Variants in LDLRAD4 observed in about 807,000 individuals in gnomAD.
The protein encoded by LDLRAD4 is low density lipoprotein receptor class A domain containing 4.
Under a neutral mutation model 17.0 loss-of-function variants are expected in LDLRAD4, and 5 were observed. That is an observed-to-expected ratio of 0.29 (90% CI 0.15 to 0.62). The LOEUF (loss-of-function observed/expected upper bound fraction) is 0.62. Ranked by LOEUF, LDLRAD4 falls within the 20% of genes least tolerant of loss-of-function variation. The pLI, the probability that LDLRAD4 is intolerant of heterozygous loss-of-function variation, is 0.84. For synonymous variants in LDLRAD4, 168 were observed against 171.8 expected (o/e 0.98, Z 0.17); for missense variants, 340 against 424.7 (o/e 0.80, Z 1.75).
Position 13,489,233 on chromosome 18 carries a change from C to G in LDLRAD4, c.181+50849C>G, listed in dbSNP as rs2093308452. 4.0e-5 allele frequency: 6 copies of G among 151,320 alleles called. No individual in the cohort carries two copies. In the South Asian group the frequency reaches 1.3e-3, roughly 32 times the overall value. 9.4% of individuals were successfully genotyped at this position (151,320 alleles called of 1,614,324 possible). A position where few individuals can be genotyped will look rare whatever the true frequency, so the allele number is the denominator to read the frequency against. Reference sequence around the variant, plus strand: ...GCAATGGTTCGATCTTGGCTCACCACAAACTCTGCCTCCCAGGTTCAAGCA... The same window carrying G: ...GCAATGGTTCGATCTTGGCTCACCAGAAACTCTGCCTCCCAGGTTCAAGCA... On this transcript the variant is annotated intron_variant, in intron 3 of 5. Coordinates refer to ENST00000359446, the Ensembl canonical transcript of LDLRAD4.
intron 3 of LDLRAD4, among the ~76,000 whole-genome samples, chr18:13,564,801 G>A (rs1038198314): frequency 5.3e-5 from 8 of 152,112 alleles, no homozygotes; most frequent in African/African-American, 9.7e-5. Flanking sequence ...GTGGCTGGTC[G>A]GGGGTCATTC....
intron 1 of LDLRAD4, among the ~76,000 whole-genome samples, chr18:13,231,433 G>C (rs2042068819): frequency 6.6e-6 from 1 of 152,178 alleles, no homozygotes; most frequent in Non-Finnish European, 1.5e-5. Context: ...GCCCGAGATC[G>C]CGTGAGTCTG....
chr18:13,223,692 T>C (rs1443891799), intron 1 of LDLRAD4, among the ~76,000 whole-genome samples: 1 of 152,174 alleles, frequency 6.6e-6, no homozygotes, highest in African/African-American at 2.4e-5. Context: ...CAGATAATAA[T>C]AACAGCAGCT....
At chr18:13,359,396 G>A (rs1224934395) in intron 1 of LDLRAD4, among the ~76,000 whole-genome samples, 2 of 152,138 alleles carry the variant, frequency 1.3e-5, no homozygotes, top group African/African-American at 4.8e-5. Context: ...GTACAGGGAA[G>A]TGAAACCTCA....
intron 1 of LDLRAD4, among the ~76,000 whole-genome samples, chr18:13,301,179 C>T (rs1438049570): frequency 6.6e-6 from 1 of 152,138 alleles, no homozygotes; most frequent in African/African-American, 2.4e-5. Flanking sequence ...CCTCAGTGTA[C>T]CTTTAGCGTG....
intron 3 of LDLRAD4, chr18:13,612,590 A>C: frequency 3.3e-6 from 5 of 1,514,446 alleles, no homozygotes; most frequent in Admixed American, 2.0e-5. Context: ...ACCCCATGCC[A>C]GCTATAACTG....
intron 1 of LDLRAD4, among the ~76,000 whole-genome samples, chr18:13,234,159 C>T (rs895839352): frequency 5.4e-4 from 82 of 152,316 alleles, no homozygotes; most frequent in African/African-American, 1.8e-3. Flanking sequence ...TCCCCACCCG[C>T]GATGGTCTGG....
intron 1 of LDLRAD4, among the ~76,000 whole-genome samples, chr18:13,305,686 C>T (rs934457333): frequency 6.6e-6 from 1 of 152,166 alleles, no homozygotes; most frequent in Non-Finnish European, 1.5e-5. Flanking sequence ...AGGTTGGCAG[C>T]TGTGGTTACC....
intron 1 of LDLRAD4, among the ~76,000 whole-genome samples, chr18:13,298,052 G>A (rs1187057002): frequency 1.3e-5 from 2 of 152,234 alleles, no homozygotes; most frequent in South Asian, 2.1e-4. Flanking sequence ...CACCCTAGGG[G>A]GACAGGCCTG....
intron 4 of LDLRAD4, chr18:13,642,610 C>A: frequency 8.1e-7 from 1 of 1,230,116 alleles, no homozygotes. Context: ...CACCTGCGAG[C>A]GCGGACTTGC....
intron 1 of LDLRAD4, among the ~76,000 whole-genome samples, chr18:13,271,436 C>T (rs1445834082): frequency 2.0e-5 from 3 of 152,182 alleles, no homozygotes; most frequent in African/African-American, 4.8e-5. Flanking sequence ...GGGCTTCCAG[C>T]GCACTTTCTG....
chr18:13,285,779 G>A (rs544630741), intron 1 of LDLRAD4, among the ~76,000 whole-genome samples: 2 of 152,206 alleles, frequency 1.3e-5, no homozygotes, highest in East Asian at 3.9e-4. Flanking sequence ...GAGAATGGTG[G>A]GGGAAACTCA....
At chr18:13,524,208 G>C (rs1236017670) in intron 3 of LDLRAD4, among the ~76,000 whole-genome samples, 1 of 152,238 alleles carries the variant, frequency 6.6e-6, no homozygotes, top group Non-Finnish European at 1.5e-5. Context: ...GCATGATAGA[G>C]AAGAACCAAA....
In LDLRAD4 at chr18:13,287,630, T is replaced by C. The variant is rs376445077; in HGVS notation, c.-383+9442T>C. Among the ~76,000 whole-genome samples, 199 of 152,250 alleles carry C rather than the reference T, an allele frequency of 1.3e-3. 1 individual carries two copies. The highest frequency in any genetic ancestry group is 4.3e-3 in the African/African-American group (179 of 41,532). On this transcript the variant is annotated intron_variant, in intron 1 of 5. Transcript: ENST00000359446. ...CACTGTCTGCCCTCAGGTTATGGGG[T>C]GGGGCGGGAGGTGCCCAAATTCTTA...
At chr18:13,457,554 C>T (rs1781610498) in intron 3 of LDLRAD4, among the ~76,000 whole-genome samples, 1 of 152,178 alleles carries the variant, frequency 6.6e-6, no homozygotes, top group African/African-American at 2.4e-5. Context: ...AGCTGAAAGG[C>T]GGACAGAAAG....
chr18:13,232,473 G>A (rs1244609818), intron 1 of LDLRAD4, among the ~76,000 whole-genome samples: 4 of 150,086 alleles, frequency 2.7e-5, no homozygotes, highest in African/African-American at 5.1e-5. Flanking sequence ...TCCCCGCGTG[G>A]CCTTGTCCGG....
intron 1 of LDLRAD4, among the ~76,000 whole-genome samples, chr18:13,348,948 C>A (rs549206111): frequency 1.3e-5 from 2 of 152,310 alleles, no homozygotes; most frequent in South Asian, 4.1e-4. Flanking sequence ...GGGAGAGTGA[C>A]CCGATTTTCC....
At chr18:13,238,317 G>T (rs1437969071) in intron 1 of LDLRAD4, among the ~76,000 whole-genome samples, 3 of 152,140 alleles carry the variant, frequency 2.0e-5, no homozygotes, top group Admixed American at 6.5e-5. Flanking sequence ...TTCTGCTGTT[G>T]GGCTGGTCCC....
intron 3 of LDLRAD4, among the ~76,000 whole-genome samples, chr18:13,576,421 C>CAAAAAAAAAAAAAAAA (rs60116058): frequency 1.1e-5 from 1 of 90,314 alleles, no homozygotes; most frequent in Non-Finnish European, 2.2e-5. Flanking sequence ...GACTCTGTCT[C>CAAAAAAAAAAAAAAAA]AAAAAAAAAA....
Sources: gnomAD v4.1 joint callset for allele counts (sites outside exome capture counted in the v4.1 genomes callset) on GRCh38, gnomAD v4.1.1 for gene constraint, MANE v1.5 for transcripts, NCBI Gene and HGNC (gene_info 2026-07-23, HGNC 2026-07-21) for gene names.